The following ARHGAP10 variants were observed in gnomAD, a reference collection of about 807,000 sequenced individuals.
ARHGAP10 encodes rho GTPase-activating protein 10.
ARHGAP10 carries 87 observed loss-of-function variants against 108.6 expected under a neutral mutation model. The ratio of observed to expected loss-of-function variants is 0.80; its 90% CI spans 0.67 to 0.96. ARHGAP10 has a LOEUF of 0.96. ARHGAP10 is among the 40% of genes least tolerant of loss of function. The pLI, the probability that ARHGAP10 is intolerant of heterozygous loss-of-function variation, is 0.00. For missense variants in ARHGAP10, 939 were observed against 954.5 expected (o/e 0.98, Z 0.21); for synonymous variants, 347 against 341.1 (o/e 1.02, Z -0.19).
intron 22 of ARHGAP10, among the ~76,000 whole-genome samples, chr4:148,067,566 C>T (rs921761582): frequency 6.6e-6 from 1 of 152,212 alleles, no homozygotes; most frequent in Non-Finnish European, 1.5e-5. Flanking sequence ...TACTTAGTGT[C>T]CCTGGAATGC....
At chr4:147,746,803 C>G (rs984553773) in intron 1 of ARHGAP10, among the ~76,000 whole-genome samples, 1 of 152,170 alleles carries the variant, frequency 6.6e-6, no homozygotes, top group Admixed American at 6.5e-5. Context: ...TCTACACACT[C>G]AAATTGTAGA....
chr4:147,969,864 A>G (rs1306933466), intron 18 of ARHGAP10, among the ~76,000 whole-genome samples: 2 of 152,194 alleles, frequency 1.3e-5, no homozygotes, highest in Non-Finnish European at 2.9e-5. Flanking sequence ...AGTTCTATGA[A>G]TGCACAACCA....
chr4:147,746,393 C>T (rs1333802033), intron 1 of ARHGAP10, among the ~76,000 whole-genome samples: 5 of 149,434 alleles, frequency 3.3e-5, no homozygotes, highest in Non-Finnish European at 5.9e-5. Context: ...TGAGTCACTG[C>T]GCCAGGCCTG....
intron 3 of ARHGAP10, among the ~76,000 whole-genome samples, chr4:147,828,843 T>C (rs1732826567): frequency 6.6e-6 from 1 of 151,788 alleles, no homozygotes; most frequent in African/African-American, 2.4e-5. Flanking sequence ...GTAATTTCTA[T>C]GAATACACAT....
intron 13 of ARHGAP10, among the ~76,000 whole-genome samples, chr4:147,925,884 G>A (rs1737443014): frequency 6.6e-6 from 1 of 152,194 alleles, no homozygotes; most frequent in African/African-American, 2.4e-5. Flanking sequence ...TGATACAGTT[G>A]GTTGTGTTAT....
intron 1 of ARHGAP10, among the ~76,000 whole-genome samples, chr4:147,744,776 C>T (rs558911786): frequency 1.3e-5 from 2 of 152,034 alleles, no homozygotes; most frequent in East Asian, 3.9e-4. Context: ...CAAGGTATTT[C>T]GTAGTAGCCA....
At chr4:147,812,747 T>C (rs1347213961) in intron 1 of ARHGAP10, among the ~76,000 whole-genome samples, 1 of 152,232 alleles carries the variant, frequency 6.6e-6, no homozygotes, top group African/African-American at 2.4e-5. Flanking sequence ...CATATTTTGA[T>C]GGTTTAGACT....
intron 1 of ARHGAP10, among the ~76,000 whole-genome samples, chr4:147,819,683 T>C (rs1263257091): frequency 1.3e-5 from 2 of 152,012 alleles, no homozygotes; most frequent in Non-Finnish European, 2.9e-5. Flanking sequence ...CTCAGCCTCC[T>C]GAGTAGCTGG....
chr4:147,786,448 G>A (rs1730895110), intron 1 of ARHGAP10, among the ~76,000 whole-genome samples: 1 of 152,126 alleles, frequency 6.6e-6, no homozygotes, highest in Admixed American at 6.6e-5. Flanking sequence ...AGTGGCGTGA[G>A]TCTCAAAATC....
intron 16 of ARHGAP10, among the ~76,000 whole-genome samples, chr4:147,960,180 A>C (rs577669056): frequency 2.6e-5 from 4 of 151,568 alleles, no homozygotes; most frequent in African/African-American, 9.7e-5. Flanking sequence ...TTATTACCTA[A>C]CCCTTTAGAC....
intron 1 of ARHGAP10, among the ~76,000 whole-genome samples, chr4:147,769,538 G>A (rs534399761): frequency 1.6e-4 from 25 of 152,172 alleles, no homozygotes; most frequent in African/African-American, 5.5e-4. Context: ...ATTGTTTCCC[G>A]GGGATTTCCG....
At chr4:148,064,732 C>A (rs556645148) in intron 22 of ARHGAP10, among the ~76,000 whole-genome samples, 2 of 152,192 alleles carry the variant, frequency 1.3e-5, no homozygotes, top group Non-Finnish European at 2.9e-5. Context: ...TACTCTCTGA[C>A]CCATCTCATC....
In ARHGAP10 at chr4:148,036,869, A is replaced by G. The variant is rs143709049; in HGVS notation, c.1868-10023A>G. On this transcript the variant is annotated intron_variant, in intron 19 of 22. Coordinates refer to ENST00000336498, the MANE Select transcript of ARHGAP10 (RefSeq NM_024605.4). ...ATTCCATGTATAGATTACAACTTCTAGGTAGATGAGGTCCTGGAACACCAT... is the reference window on the plus strand; with the variant it reads ...ATTCCATGTATAGATTACAACTTCTGGGTAGATGAGGTCCTGGAACACCAT... Among the ~76,000 whole-genome samples, 589 of 152,302 alleles carry G rather than the reference A, an allele frequency of 3.9e-3. 2 individuals are homozygous for G. The highest frequency in any genetic ancestry group is 5.7e-3 in the Non-Finnish European group (387 of 68,030).
intron 16 of ARHGAP10, among the ~76,000 whole-genome samples, chr4:147,964,398 C>T (rs1339916350): frequency 6.6e-6 from 1 of 152,190 alleles, no homozygotes; most frequent in African/African-American, 2.4e-5. Context: ...GCCTCTTGAT[C>T]GACGCTGGTG....
chr4:147,761,856 G>A (rs1376203440), intron 1 of ARHGAP10, among the ~76,000 whole-genome samples: 1 of 152,120 alleles, frequency 6.6e-6, no homozygotes, highest in Non-Finnish European at 1.5e-5. Flanking sequence ...AAAAAGTTAA[G>A]TGAATTAAAT....
chr4:147,799,925 C>T (rs938192961), intron 1 of ARHGAP10, among the ~76,000 whole-genome samples: 4 of 152,004 alleles, frequency 2.6e-5, no homozygotes, highest in Admixed American at 1.3e-4. Context: ...GGGGTGCGGG[C>T]AGTGGGAATG....
chr4:147,881,055 C>G lies in ARHGAP10; in HGVS notation c.940-783C>G, dbSNP rs539556838. ...TTGGGAGGCCGAGGTGGGCAGATCACTTGAGGTCAGGAGTTTGAGACTGGC... is the reference window on the plus strand; with the variant it reads ...TTGGGAGGCCGAGGTGGGCAGATCAGTTGAGGTCAGGAGTTTGAGACTGGC... On this transcript the variant is annotated intron_variant, in intron 9 of 22. Coordinates refer to ENST00000336498, the MANE Select transcript of ARHGAP10 (RefSeq NM_024605.4). Among the ~76,000 whole-genome samples, 55 of 149,362 alleles carry G rather than the reference C, an allele frequency of 3.7e-4. 1 individual carries two copies. The highest frequency in any genetic ancestry group is 3.3e-4 in the Non-Finnish European group (22 of 67,242).
At chr4:148,020,006 T>G (rs1328835548) in intron 18 of ARHGAP10, among the ~76,000 whole-genome samples, 1 of 152,216 alleles carries the variant, frequency 6.6e-6, no homozygotes, top group Non-Finnish European at 1.5e-5. Flanking sequence ...ATTTGCATTA[T>G]GTGTAATAGT....
chr4:147,799,384 G>T (rs1292855682), intron 1 of ARHGAP10, among the ~76,000 whole-genome samples: 1 of 151,998 alleles, frequency 6.6e-6, no homozygotes, highest in Non-Finnish European at 1.5e-5. Context: ...TACCAAATTT[G>T]GAATGTTTTC....
Sources: allele counts gnomAD v4.1 joint callset (sites outside exome capture counted in the v4.1 genomes callset), GRCh38; gene constraint gnomAD v4.1.1; transcripts MANE v1.5; gene names NCBI Gene and HGNC (gene_info 2026-07-23, HGNC 2026-07-21).